MDGA2: variants seen among roughly 807,000 people sequenced by gnomAD.
MDGA2 encodes the protein MAM domain containing glycosylphosphatidylinositol anchor 2.
Under a neutral mutation model 117.8 loss-of-function variants are expected in MDGA2, and 40 were observed. The observed-to-expected ratio is 0.34, with a 90% CI of 0.26 to 0.44. MDGA2 has a LOEUF of 0.44. Ranked by LOEUF, MDGA2 falls within the 20% of genes least tolerant of loss-of-function variation. The probability of loss-of-function intolerance (pLI) is 1.00; values close to 1 mark genes in which losing one functional copy is unlikely to be tolerated. For missense variants in MDGA2, 1,123 were observed against 1,250.6 expected (o/e 0.90, Z 1.54); for synonymous variants, 452 against 439.0 (o/e 1.03, Z -0.37).
At chr14:47,303,927 A>T (rs1428510742) in intron 1 of MDGA2, among the ~76,000 whole-genome samples, 1 of 152,132 alleles carries the variant, frequency 6.6e-6, no homozygotes, top group Non-Finnish European at 1.5e-5. Context: ...AAACCACTTA[A>T]ATTATACAGT....
intron 7 of MDGA2, among the ~76,000 whole-genome samples, chr14:47,057,791 G>T (rs544835797): frequency 6.6e-6 from 1 of 151,630 alleles, no homozygotes; most frequent in East Asian, 2.0e-4. Context: ...GTCTTGGTCT[G>T]TCAACCAGGT....
At chr14:47,669,957 C>T (rs1191006882) in intron 1 of MDGA2, among the ~76,000 whole-genome samples, 3 of 152,118 alleles carry the variant, frequency 2.0e-5, no homozygotes, top group Non-Finnish European at 4.4e-5. Flanking sequence ...CCATGTCATT[C>T]TTATCCCTTC....
intron 2 of MDGA2, among the ~76,000 whole-genome samples, chr14:47,279,402 C>G (rs1204554494): frequency 2.0e-5 from 3 of 152,150 alleles, no homozygotes; most frequent in African/African-American, 7.2e-5. Flanking sequence ...CCATGTTTCT[C>G]TTGCACTGTA....
chr14:47,340,790 A>G (rs758304137), intron 1 of MDGA2, among the ~76,000 whole-genome samples: 4 of 152,166 alleles, frequency 2.6e-5, no homozygotes, highest in African/African-American at 4.8e-5. Flanking sequence ...AGACCAGGCA[A>G]TCACTACACG....
intron 1 of MDGA2, among the ~76,000 whole-genome samples, chr14:47,665,838 G>GCCCCA (rs1366353512): frequency 2.7e-4 from 5 of 18,524 alleles, no homozygotes; most frequent in Non-Finnish European, 5.5e-4. Context: ...GCCCCACCCC[G>GCCCCA]CCCCACCCCA....
chr14:47,491,460 C>A (rs995055195), intron 1 of MDGA2, among the ~76,000 whole-genome samples: 2 of 152,022 alleles, frequency 1.3e-5, no homozygotes, highest in Non-Finnish European at 2.9e-5. Flanking sequence ...AAGATATCAA[C>A]AATAAAGATT....
intron 2 of MDGA2, among the ~76,000 whole-genome samples, chr14:47,244,389 T>G (rs1432742350): frequency 6.6e-6 from 1 of 151,862 alleles, no homozygotes; most frequent in African/African-American, 2.4e-5. Flanking sequence ...CTTGCCATTT[T>G]TATTTATATA....
At chr14:47,053,199 T>C (rs1889518353) in intron 7 of MDGA2, among the ~76,000 whole-genome samples, 1 of 151,994 alleles carries the variant, frequency 6.6e-6, no homozygotes, top group South Asian at 2.1e-4. Context: ...TCTCATTTGC[T>C]TCACAGTTTC....
chr14:46,854,190 T>TA (rs1009137127), intron 15 of MDGA2, among the ~76,000 whole-genome samples: 17 of 151,464 alleles, frequency 1.1e-4, no homozygotes, highest in Admixed American at 2.0e-4. Flanking sequence ...ATGAAATGCA[T>TA]AAAAAAAATC....
intron 8 of MDGA2, among the ~76,000 whole-genome samples, chr14:47,033,354 G>A (rs1176801017): frequency 1.3e-5 from 2 of 152,152 alleles, no homozygotes; most frequent in African/African-American, 4.8e-5. Context: ...AGAAAGGAGT[G>A]AGCAGAGTGA....
At chr14:46,880,417 T>A (rs1029544516) in intron 11 of MDGA2, among the ~76,000 whole-genome samples, 1 of 152,030 alleles carries the variant, frequency 6.6e-6, no homozygotes, top group South Asian at 2.1e-4. Flanking sequence ...CTGAAATACA[T>A]TGAAAATTCT....
intron 2 of MDGA2, among the ~76,000 whole-genome samples, chr14:47,238,848 G>A: frequency 6.6e-6 from 1 of 151,554 alleles, no homozygotes; most frequent in South Asian, 2.1e-4. Context: ...TATGACTAAT[G>A]CAGAGGACCC....
Position 47,055,002 on chromosome 14 carries a change from C to CTTT in MDGA2, c.1525+6244_1525+6246dup, listed in dbSNP as rs10640408. 3.5e-3 allele frequency among the ~76,000 whole-genome samples: 436 copies of CTTT among 125,650 alleles called. 6 individuals carry two copies. The highest frequency in any genetic ancestry group is 8.6e-3 in the East Asian group (37 of 4,312). 82.4% of individuals were successfully genotyped at this position (125,650 alleles called of 152,430 possible). On this transcript the variant is annotated intron_variant, in intron 7 of 16. Transcript: ENST00000399232. ...CCGTTGTCCAATTTTTTTTTCTTTT[C>CTTT]TTTTTTTTTTTTTTTTTCCAACAGA...
At chr14:47,038,814 C>T (rs985637065) in intron 7 of MDGA2, among the ~76,000 whole-genome samples, 3 of 151,472 alleles carry the variant, frequency 2.0e-5, no homozygotes, top group Admixed American at 6.6e-5. Context: ...TGGCAGTGGG[C>T]GCCTGGAGTC....
chr14:47,674,389 C>T lies in MDGA2; in HGVS notation c.280+128G>A, dbSNP rs572453453. ...GCTGCCTCTTTATCGCTCCCAATAA[C>T]GTGATGAAGTGTAAATCAAATGCCA... On this transcript the variant is annotated intron_variant, in intron 1 of 16. Coordinates refer to ENST00000399232, the MANE Select transcript of MDGA2 (RefSeq NM_001113498.3). 6 of 771,272 alleles carry T rather than the reference C, an allele frequency of 7.8e-6. No homozygotes were observed. In the African/African-American group the frequency reaches 1.1e-4, roughly 14 times the overall value. The allele number at this position is 771,272 out of a possible 1,614,324, so 47.8% of individuals were successfully genotyped here. A position where few individuals can be genotyped will look rare whatever the true frequency, so the allele number is the denominator to read the frequency against.
At chr14:47,343,723 C>T (rs980028090) in intron 1 of MDGA2, among the ~76,000 whole-genome samples, 2 of 152,092 alleles carry the variant, frequency 1.3e-5, no homozygotes, top group African/African-American at 4.8e-5. Flanking sequence ...TCATATTGCT[C>T]TGTTAATTGA....
chr14:47,497,347 C>G (rs934699170), intron 1 of MDGA2, among the ~76,000 whole-genome samples: 1 of 152,180 alleles, frequency 6.6e-6, no homozygotes, highest in Non-Finnish European at 1.5e-5. Context: ...ACCACCATCT[C>G]TCTGGCTCAA....
chr14:47,301,400 T>G lies in MDGA2; in HGVS notation c.420+11A>C, dbSNP rs1889279308. 1.3e-6 allele frequency: 2 copies of G among 1,551,442 alleles called. No individual in the cohort carries two copies. The highest frequency in any genetic ancestry group is 1.7e-6 in the Non-Finnish European group (2 of 1,146,932). ...AGAATGTTTTCTCCAGTGTCACAGTTCGGGACTCACCTGTGGACGTGGATG... is the reference window on the plus strand; with the variant it reads ...AGAATGTTTTCTCCAGTGTCACAGTGCGGGACTCACCTGTGGACGTGGATG... On this transcript the variant is annotated intron_variant, in intron 2 of 16. Transcript: ENST00000399232.
chr14:47,647,513 C>A (rs913347996), intron 1 of MDGA2, among the ~76,000 whole-genome samples: 42 of 152,062 alleles, frequency 2.8e-4, no homozygotes, highest in African/African-American at 6.3e-4. Flanking sequence ...GATTTTTCAT[C>A]CTAGTTGATC....
Sources: gnomAD v4.1 joint callset for allele counts (sites outside exome capture counted in the v4.1 genomes callset) on GRCh38, gnomAD v4.1.1 for gene constraint, MANE v1.5 for transcripts, NCBI Gene and HGNC (gene_info 2026-07-23, HGNC 2026-07-21) for gene names.